Variants in LZTR1 observed in about 807,000 individuals in gnomAD.
LZTR1 encodes leucine zipper like post translational regulator 1.
LZTR1 carries 260 observed loss-of-function variants against 105.7 expected under a neutral mutation model. The ratio of observed to expected loss-of-function variants is 2.46; its 90% CI spans 2.22 to 2.72. The LOEUF (loss-of-function observed/expected upper bound fraction) is 2.72. Among genes scored for constraint, LZTR1 ranks in the 30% most tolerant of loss-of-function variants. The pLI, the probability that LZTR1 is intolerant of heterozygous loss-of-function variation, is 0.00. For synonymous variants in LZTR1, 490 were observed against 476.4 expected (o/e 1.03, Z -0.37); for missense variants, 1,214 against 1,166.9 (o/e 1.04, Z -0.59).
intron 11 of LZTR1, 39 bp from the exon 12 acceptor site, chr22:20,993,623 C>T (rs1382262263): frequency 7.7e-6 from 12 of 1,563,486 alleles, no homozygotes; most frequent in Non-Finnish European, 9.7e-6. Context: ...GGCCACCCTG[C>T]TGTCTGCAAC....
intron 2 of LZTR1, 46 bp downstream of exon 2, chr22:20,983,135 A>G (rs1398611367): frequency 1.9e-6 from 3 of 1,560,706 alleles, no homozygotes; most frequent in Middle Eastern, 3.4e-4. Context: ...AGGGAGAAGT[A>G]CTGTGGTCAG....
At chr22:20,982,943 T>A (rs1480876193) in intron 1 of LZTR1, 84 bp from the exon 2 acceptor site, 2 of 1,111,558 alleles carry the variant, frequency 1.8e-6, no homozygotes, top group African/African-American at 1.5e-5. Flanking sequence ...CTAACTTCCG[T>A]GGCAGCTCTC....
At chr22:20,990,105 T>G (rs1356081076) in intron 7 of LZTR1, among the ~76,000 whole-genome samples, 1 of 152,070 alleles carries the variant, frequency 6.6e-6, no homozygotes, top group Non-Finnish European at 1.5e-5. Context: ...ATTTATTTAT[T>G]TATTCATTAA....
In LZTR1 at chr22:20,988,855, CTA is replaced by C; in HGVS notation, c.578_579del (p.Tyr193Ter). 1 of 1,614,062 alleles carries C rather than the reference CTA, an allele frequency of 6.2e-7. No individual in the cohort carries two copies. The highest frequency in any genetic ancestry group is 8.5e-7 in the Non-Finnish European group (1 of 1,179,992). ...GTGACAAGCTGTGGATCTTTGCTGGCTATGACGGCAACGCCAGGTGGGTGGTG... is the reference window on the plus strand; with the variant it reads ...GTGACAAGCTGTGGATCTTTGCTGGCTGACGGCAACGCCAGGTGGGTGGTG... Reference protein sequence around the residue: ...YSDKLWIFAGYDGNARLNDMW... With the variant: ...YSDKLWIFAGXDGNARLNDMW... On this transcript the variant is annotated frameshift_variant, in exon 6 of 21. Transcript: ENST00000646124. LOFTEE classifies it high-confidence loss of function.
intron 2 of LZTR1, among the ~76,000 whole-genome samples, chr22:20,984,623 G>T (rs923823772): frequency 3.3e-5 from 3 of 90,356 alleles, no homozygotes; most frequent in African/African-American, 1.0e-4. Context: ...AGGGGGGGGG[G>T]GCGGTATCAC....
chr22:20,996,919 G>C lies in LZTR1; in HGVS notation c.2359G>C (p.Asp787His). ...LEAADKTQAL[D>H]MKRHCLHIIV... The stretch of plus-strand genomic sequence containing the variant: ...GGCAGCTGACAAAACGCAGGCACTG[G>C]ACATGAAGCGGCACTGCCTGCACAT... The change falls in exon 20 of 21, where the codon GAC (aspartate) becomes CAC (histidine). Residue 787 changes from aspartate (D) to histidine (H), a missense_variant. Transcript: ENST00000646124. The C allele has an allele frequency of 6.2e-7, 1 of 1,613,266 alleles. No homozygotes were observed. Among genetic ancestry groups the C allele is most frequent in the Non-Finnish European group, 8.5e-7 (1 of 1,179,678 alleles).
rs772839774 is a variant in LZTR1, at chr22:20,991,724, C to G, written c.888C>G (p.Leu296=). 6.6e-5 allele frequency: 104 copies of G among 1,584,802 alleles called. No homozygotes were observed. Among genetic ancestry groups the G allele is most frequent in the Non-Finnish European group, 5.0e-5 (58 of 1,165,964 alleles). The change falls in exon 9 of 21, where the codon CTC becomes CTG. Residue 296 remains leucine (L), a synonymous_variant. Coordinates refer to ENST00000646124, the MANE Select transcript of LZTR1 (RefSeq NM_006767.4). ...CCATGGTGGCCTTTGACCGCCACCT[C>G]TATGTGTTTGGGGGTGCGGCCGACA... ...GHTMVAFDRH[L]YVFGGAADNT...
Position 20,983,072 on chromosome 22 carries a change from AT to A in LZTR1, c.249del (p.Phe83LeufsTer18). 6.2e-7 allele frequency: 1 copy of A among 1,614,006 alleles called. No homozygotes were observed. The highest frequency in any genetic ancestry group is 8.5e-7 in the Non-Finnish European group (1 of 1,179,930). ...VVAYKDAIYV[F>X]GGDNGKTMLN... The stretch of plus-strand genomic sequence containing the variant: ...TGGCCTATAAAGATGCCATTTATGT[AT>A]TTGGTGGAGACAATGGGTGAGTGAG... On this transcript the variant is annotated frameshift_variant, in exon 2 of 21. Coordinates refer to ENST00000646124, the MANE Select transcript of LZTR1 (RefSeq NM_006767.4). LOFTEE classifies it high-confidence loss of function.
In LZTR1 at chr22:20,996,933, C is replaced by G; in HGVS notation, c.2373C>G (p.His791Gln). The G allele has an allele frequency of 6.2e-7, 1 of 1,613,578 alleles. No homozygotes were observed. The highest frequency in any genetic ancestry group is 1.6e-4 in the Middle Eastern group (1 of 6,062). Residue 791 changes from histidine to glutamine, a missense_variant, in exon 20 of 21, where the codon CAC becomes CAG. Physicochemically the swap from His to Gln is conservative, Grantham distance 24 (BLOSUM62 0). Coordinates refer to ENST00000646124, the MANE Select transcript of LZTR1 (RefSeq NM_006767.4). The stretch of plus-strand genomic sequence containing the variant: ...CGCAGGCACTGGACATGAAGCGGCA[C>G]TGCCTGCACATCATTGTGCACCAGT... ...DKTQALDMKR[H>Q]CLHIIVHQFT...
chr22:20,984,022 T>C (rs530836901), intron 2 of LZTR1, among the ~76,000 whole-genome samples: 77 of 152,330 alleles, frequency 5.1e-4, no homozygotes, highest in African/African-American at 1.8e-3. Flanking sequence ...TGCCTTGCTA[T>C]GTTTGGATTG....
chr22:20,993,967 G>T lies in LZTR1; in HGVS notation c.1397G>T (p.Arg466Leu), dbSNP rs587777180. 6 of 1,612,710 alleles carry T rather than the reference G, an allele frequency of 3.7e-6. No homozygotes were observed. Among genetic ancestry groups the T allele is most frequent in the Non-Finnish European group, 5.1e-6 (6 of 1,179,870 alleles). Residue 466 changes from arginine to leucine, a missense_variant, in exon 13 of 21, where the codon CGG becomes CTG. Arg to Leu is a moderately radical substitution (Grantham distance 102, BLOSUM62 -2). Transcript: ENST00000646124. ...GGCCACGTAGCCATTGTCACAGCGC[G>T]GAGCCGCTGGCTTCGCAGGAAGATC... ...VQGHVAIVTA[R>L]SRWLRRKITQ... is the part of the protein sequence containing the mutation.
In LZTR1 at chr22:20,989,633, A is replaced by T; in HGVS notation, c.602A>T (p.Asp201Val). ...GGTCTGTCCTAATACAGGTTGAATGACATGTGGACAATTGGCCTCCAGGAC... is the reference window on the plus strand; with the variant it reads ...GGTCTGTCCTAATACAGGTTGAATGTCATGTGGACAATTGGCCTCCAGGAC... The part of the protein sequence containing the change: ...AGYDGNARLN[D>V]MWTIGLQDRE... The change falls in exon 7 of 21, where the codon GAC (aspartate) becomes GTC (valine). Residue 201 changes from aspartate to valine, a missense_variant. Physicochemically the swap from Asp to Val is radical, Grantham distance 152. Transcript: ENST00000646124. The T allele has an allele frequency of 6.2e-7, 1 of 1,613,646 alleles. No individual in the cohort carries two copies. The highest frequency in any genetic ancestry group is 8.5e-7 in the Non-Finnish European group (1 of 1,179,902).
Position 20,996,078 on chromosome 22 carries a change from T to C in LZTR1, c.2185T>C (p.Tyr729His). 1.2e-6 allele frequency: 2 copies of C among 1,613,244 alleles called. No individual in the cohort carries two copies. Among genetic ancestry groups the C allele is most frequent in the African/African-American group, 1.3e-5 (1 of 75,026 alleles). The stretch of plus-strand genomic sequence containing the variant: ...CGAGTCCATGCTGCGCTACATCTAC[T>C]ACGGCGAGGTCAACATGCCGCCCGA... ...AFESMLRYIY[Y>H]GEVNMPPEDS... Residue 729 changes from tyrosine to histidine, a missense_variant, in exon 18 of 21, where the codon TAC (tyrosine) becomes CAC (histidine). Coordinates refer to ENST00000646124, the MANE Select transcript of LZTR1 (RefSeq NM_006767.4).
Position 20,985,866 on chromosome 22 carries a change from C to T in LZTR1, c.289C>T (p.Arg97Trp), listed in dbSNP as rs763127267. Residue 97 changes from arginine to tryptophan, a missense_variant, in exon 3 of 21, where the codon CGG becomes TGG. Transcript: ENST00000646124. ...NGKTMLNDLL[R>W]FDVKDCSWCR... ...GAAGACCATGCTCAATGACCTCCTG[C>T]GGTTCGATGTGAAAGACTGCTCCTG... 1.2e-6 allele frequency: 2 copies of T among 1,614,154 alleles called. No individual in the cohort carries two copies. The highest frequency in any genetic ancestry group is 1.1e-5 in the South Asian group (1 of 91,086).
chr22:20,991,830 G>T lies in LZTR1; in HGVS notation c.993+1G>T, dbSNP rs770368435. The T allele has an allele frequency of 5.2e-6, 8 of 1,548,388 alleles. No individual in the cohort carries two copies. The highest frequency in any genetic ancestry group is 1.7e-4 in the Middle Eastern group (1 of 5,970). On this transcript the variant is annotated splice_donor_variant, in intron 9 of 20. Transcript: ENST00000646124. LOFTEE classifies it high-confidence loss of function. Reference sequence around the variant, plus strand: ...CGTCCAGCCCAGCTCCGACAGCGAGGTGAGGGTGCCCAGGGGTGTCCTGAC... The same window carrying T: ...CGTCCAGCCCAGCTCCGACAGCGAGTTGAGGGTGCCCAGGGGTGTCCTGAC...
intron 16 of LZTR1, chr22:20,995,543 C>T (rs534300586): frequency 9.8e-5 from 72 of 732,018 alleles, no homozygotes; most frequent in African/African-American, 1.2e-4. Context: ...GTGGGCTGTG[C>T]GTGGGGCATA....
At chr22:20,993,626 T>C (rs1320809054) in intron 11 of LZTR1, 36 bp from the exon 12 acceptor site, 1 of 1,576,650 alleles carries the variant, frequency 6.3e-7, no homozygotes, top group African/African-American at 1.3e-5. Flanking sequence ...CACCCTGCTG[T>C]CTGCAACATC....
chr22:20,990,845 A>C, intron 8 of LZTR1: 28 of 252,422 alleles, frequency 1.1e-4, no homozygotes, highest in Admixed American at 1.5e-4. Context: ...ATCTCAAATA[A>C]TGGCAGAAGA....
chr22:20,993,240 C>T (rs1924670869), intron 11 of LZTR1: 1 of 412,550 alleles, frequency 2.4e-6, no homozygotes. Flanking sequence ...GTTGACAGCC[C>T]CTTCCCAGGC....
Sources: allele counts gnomAD v4.1 joint callset (sites outside exome capture counted in the v4.1 genomes callset), GRCh38; gene constraint gnomAD v4.1.1; transcripts MANE v1.5; gene names NCBI Gene and HGNC (gene_info 2026-07-23, HGNC 2026-07-21).